Variants in OPHN1 observed in about 807,000 individuals in gnomAD.
OPHN1 encodes the protein oligophrenin-1.
OPHN1 carries 11 observed loss-of-function variants against 60.7 expected under a neutral mutation model. The observed-to-expected ratio is 0.18, with a 90% CI of 0.11 to 0.30. The LOEUF is 0.30. OPHN1 is among the 10% of genes least tolerant of loss of function. The probability of loss-of-function intolerance (pLI) is 1.00; values close to 1 mark genes in which losing one functional copy is unlikely to be tolerated. For synonymous variants in OPHN1, 226 were observed against 222.6 expected, an observed-to-expected ratio of 1.02 and a Z score of -0.14; for missense variants, 449 against 611.0, an observed-to-expected ratio of 0.73 and a Z score of 2.80.
At chrX:68,234,091 CAAA>C (rs33932284) in intron 6 of OPHN1, among the ~76,000 whole-genome samples, 3 of 44,205 alleles carry the variant, frequency 6.8e-5, no homozygotes, top group African/African-American at 1.8e-4. Context: ...AACCCCTCAC[CAAA>C]AAAAAAAAAA....
chrX:68,243,057 G>A (rs189458590), intron 5 of OPHN1, among the ~76,000 whole-genome samples: 119 of 110,605 alleles, frequency 1.1e-3, no homozygotes, highest in African/African-American at 3.7e-3. Flanking sequence ...TAGTGCAGAC[G>A]GGGTTTTACC....
At chrX:68,250,641 T>C (rs992673898) in intron 5 of OPHN1, among the ~76,000 whole-genome samples, 2 of 111,863 alleles carry the variant, frequency 1.8e-5, no homozygotes, top group African/African-American at 6.5e-5. Context: ...TGTTCCTTGT[T>C]CGTGTTTGGT....
chrX:68,133,527 C>G (rs2077206864), intron 15 of OPHN1: 2 of 447,425 alleles, frequency 4.5e-6, no homozygotes, highest in African/African-American at 4.8e-5. Flanking sequence ...CAACACATTT[C>G]AGCTTCAATT....
At chrX:68,343,148 C>G (rs1232682498) in intron 2 of OPHN1, among the ~76,000 whole-genome samples, 1 of 108,390 alleles carries the variant, frequency 9.2e-6, no homozygotes, top group Non-Finnish European at 1.9e-5. Flanking sequence ...GTGGCAGGTG[C>G]CTGTAATCCC....
intron 2 of OPHN1, among the ~76,000 whole-genome samples, chrX:68,408,475 G>A (rs1004459571): frequency 7.2e-5 from 8 of 111,760 alleles, no homozygotes; most frequent in African/African-American, 1.6e-4. Flanking sequence ...TCTCTCCCAC[G>A]GAATAGTGCA....
chrX:68,195,541 T>G (rs547775109), intron 12 of OPHN1, among the ~76,000 whole-genome samples: 4 of 111,429 alleles, frequency 3.6e-5, no homozygotes, highest in African/African-American at 1.3e-4. Context: ...AGGGTTGGAG[T>G]AGACATTCCT....
chrX:68,197,268 A>AG lies in OPHN1; in HGVS notation c.1026-5dup. 1 of 1,199,405 alleles carries AG rather than the reference A, an allele frequency of 8.3e-7. No individual in the cohort carries two copies. Among genetic ancestry groups the AG allele is most frequent in the Non-Finnish European group, 1.1e-6 (1 of 885,325 alleles). On this transcript the variant is annotated splice_region_variant and splice_polypyrimidine_tract_variant and intron_variant, in intron 11 of 24. Coordinates refer to ENST00000355520, the MANE Select transcript of OPHN1 (RefSeq NM_002547.3). Reference sequence around the variant, plus strand: ...CTGCAGAGTGATGGTTCCTGGCCTGAGGGGGAAAAAAATGGTAAGTATAAA... The same window carrying AG: ...CTGCAGAGTGATGGTTCCTGGCCTGAGGGGGGAAAAAAATGGTAAGTATAAA...
chrX:68,258,353 C>T (rs1195314745), intron 5 of OPHN1, among the ~76,000 whole-genome samples: 18 of 101,408 alleles, frequency 1.8e-4, no homozygotes, highest in African/African-American at 6.8e-4. Context: ...CACCCATTAA[C>T]TCGTCATTTA....
At chrX:68,359,529 C>T (rs930237077) in intron 2 of OPHN1, among the ~76,000 whole-genome samples, 1 of 111,096 alleles carries the variant, frequency 9.0e-6, no homozygotes, top group African/African-American at 3.3e-5. Flanking sequence ...ATCCCATCCA[C>T]ATTTAGTAGT....
intron 2 of OPHN1, among the ~76,000 whole-genome samples, chrX:68,385,375 C>A (rs1347927726): frequency 2.7e-5 from 3 of 111,780 alleles, no homozygotes; most frequent in Non-Finnish European, 5.6e-5. Flanking sequence ...GAAGAACTAT[C>A]CTGTCCAATG....
chrX:68,124,774 G>C (rs1421626439), intron 15 of OPHN1, among the ~76,000 whole-genome samples: 1 of 110,643 alleles, frequency 9.0e-6, no homozygotes, highest in Non-Finnish European at 1.9e-5. Flanking sequence ...GCCCCCACTA[G>C]TAGCTGGAAC....
chrX:68,320,620 TC>T (rs1283707341), intron 2 of OPHN1, among the ~76,000 whole-genome samples: 1 of 110,506 alleles, frequency 9.0e-6, no homozygotes. Context: ...TTGGGAATTT[TC>T]CCCCATACCC....
At chrX:68,152,050 A>G (rs1179208242) in intron 15 of OPHN1, among the ~76,000 whole-genome samples, 2 of 110,634 alleles carry the variant, frequency 1.8e-5, no homozygotes, top group African/African-American at 6.6e-5. Flanking sequence ...GGACTTACTC[A>G]CTCACTATCA....
intron 21 of OPHN1, among the ~76,000 whole-genome samples, chrX:68,054,409 T>C (rs2076864513): frequency 9.0e-6 from 1 of 110,749 alleles, no homozygotes; most frequent in Non-Finnish European, 1.9e-5. Flanking sequence ...CTGGTGGCAA[T>C]GTGAACTGGG....
Position 68,169,729 on chromosome X carries a change from T to C in OPHN1, c.1276+23190A>G, listed in dbSNP as rs780036080. 9.2e-5 allele frequency among the ~76,000 whole-genome samples: 10 copies of C among 108,553 alleles called. No individual in the cohort carries two copies. The South Asian group carries it at 4.0e-3, about 43-fold the overall frequency. The allele number at this position is 108,553 out of a possible 115,157, so 94.3% of individuals were successfully genotyped here. ...GTGCTGGGAAAACTGGCTAGCCATA[T>C]GTAGAAAGCTGAAACTGGATCCCTT... On this transcript the variant is annotated intron_variant, in intron 15 of 24. Coordinates refer to ENST00000355520, the MANE Select transcript of OPHN1 (RefSeq NM_002547.3).
chrX:68,411,291 A>G (rs2078768091), intron 2 of OPHN1, among the ~76,000 whole-genome samples: 2 of 112,232 alleles, frequency 1.8e-5, no homozygotes, highest in Non-Finnish European at 3.8e-5. Flanking sequence ...CCCTCACCCA[A>G]TAATTTCCCA....
rs753347344 is a variant in OPHN1, at chrX:68,112,485, G to C, written c.1421-526C>G. On this transcript the variant is annotated intron_variant, in intron 17 of 24. Coordinates refer to ENST00000355520, the MANE Select transcript of OPHN1 (RefSeq NM_002547.3). ...GATTCCTGTTAAAATCACTGAGAGA[G>C]CCCAGAAGTAAAGAACAAAGCTCCC... The C allele has an allele frequency of 3.5e-5, 4 of 115,438 alleles. No homozygotes were observed. The East Asian group carries it at 1.1e-3, about 32-fold the overall frequency. The allele number at this position is 115,438 out of a possible 1,213,427, so 9.5% of individuals were successfully genotyped here.
At chrX:68,219,671 T>C (rs1336077987) in intron 6 of OPHN1, among the ~76,000 whole-genome samples, 1 of 111,236 alleles carries the variant, frequency 9.0e-6, no homozygotes, top group Non-Finnish European at 1.9e-5. Flanking sequence ...AACTTGCTCC[T>C]GAATGACTAC....
In OPHN1 at chrX:68,064,164, A is replaced by G. The variant is rs1407090127; in HGVS notation, c.1848T>C (p.His616=). Residue 616 remains histidine, a synonymous_variant, in exon 21 of 25, where the codon CAT becomes CAC. Transcript: ENST00000355520. Reference sequence around the variant, plus strand: ...TGGTGATAGTACCATTCGGTGTTTGATGTTGGATTTCATCTAGGAAAAGTT... The same window carrying G: ...TGGTGATAGTACCATTCGGTGTTTGGTGTTGGATTTCATCTAGGAAAAGTT... ...SLDESEDEIQ[H]QTPNGTITSS... is the part of the protein sequence containing the mutation. 7 of 1,208,902 alleles carry G rather than the reference A, an allele frequency of 5.8e-6. No homozygotes were observed. The highest frequency in any genetic ancestry group is 1.8e-5 in the African/African-American group (1 of 56,870).
Sources: allele counts gnomAD v4.1 joint callset (sites outside exome capture counted in the v4.1 genomes callset), GRCh38; gene constraint gnomAD v4.1.1; transcripts MANE v1.5; gene names NCBI Gene and HGNC (gene_info 2026-07-23, HGNC 2026-07-21).